The following CTSB variants were observed in gnomAD, a reference collection of about 807,000 sequenced individuals.
CTSB encodes APP secretase.
A neutral mutation model predicts 44.3 loss-of-function variants in CTSB; 57 were observed. The ratio of observed to expected loss-of-function variants is 1.29; its 90% CI spans 1.04 to 1.60. The LOEUF (loss-of-function observed/expected upper bound fraction) is 1.60. Ranked by LOEUF, CTSB falls within the 40% of genes most tolerant of loss-of-function variation. CTSB has a pLI of 0.00. For synonymous variants in CTSB, 320 were observed against 168.0 expected, an observed-to-expected ratio of 1.91 and a Z score of -7.00; for missense variants, 768 against 443.0, an observed-to-expected ratio of 1.73 and a Z score of -6.59.
intron 1 of CTSB, chr8:11,867,700 T>C (rs1225203768): frequency 6.6e-6 from 1 of 152,308 alleles, no homozygotes; most frequent in African/African-American, 2.4e-5. Context: ...CCTGGCCGCG[T>C]CCCCGCTCCG....
At chr8:11,848,409 T>C in intron 5 of CTSB, 1 of 611,822 alleles carries the variant, frequency 1.6e-6, no homozygotes, top group Non-Finnish European at 3.1e-6. Flanking sequence ...TTCATGTCCA[T>C]ACCAGACCAG....
chr8:11,845,151 T>G lies in CTSB; in HGVS notation c.994A>C (p.Thr332Pro), dbSNP rs752849874. The change falls in exon 10 of 10, where the codon ACC becomes CCC. Residue 332 changes from threonine to proline, a missense_variant. By Grantham distance (38) the Thr-to-Pro change is conservative (BLOSUM62 -1). Coordinates refer to ENST00000353047, the MANE Select transcript of CTSB (RefSeq NM_001908.5). ...ESEVVAGIPR[T>P]DQYWEKI ...TAGATCTTTTCCCAGTACTGATCGG[T>G]GCGTGGAATTCCAGCCACCACTTCT... 3 of 1,613,810 alleles carry G rather than the reference T, an allele frequency of 1.9e-6. No individual in the cohort carries two copies. The highest frequency in any genetic ancestry group is 1.7e-5 in the Admixed American group (1 of 60,002).
chr8:11,847,029 T>TGCCATCA lies in CTSB; in HGVS notation c.793+16_793+22dup, dbSNP rs750223349. ...TCCCCTCCCGACCCCCACCCTCTAT[T>TGCCATCA]GCCATCAGCCATCAGCACGCACCTG... On this transcript the variant is annotated intron_variant, in intron 8 of 9. Coordinates refer to ENST00000353047, the MANE Select transcript of CTSB (RefSeq NM_001908.5). 6.2e-6 allele frequency: 8 copies of TGCCATCA among 1,283,588 alleles called. No individual in the cohort carries two copies. The East Asian group carries it at 9.2e-5, about 15-fold the overall frequency. The allele number at this position is 1,283,588 out of a possible 1,614,324, so 79.5% of individuals were successfully genotyped here. A position where few individuals can be genotyped will look rare whatever the true frequency, so the allele number is the denominator to read the frequency against.
chr8:11,850,928 G>A lies in CTSB; in HGVS notation c.265C>T (p.Gln89Ter), dbSNP rs781423321. ...TTGATGGTGGGACACTGTGGCCATT[G>A]TTCCCGTGCATCGAAGCTTGCAGGC... ...KLPASFDARE[Q>*]WPQCPTIKEI... is the part of the protein sequence containing the mutation. The change falls in exon 4 of 10, where the codon CAA (glutamine) becomes TAA (stop). Residue 89 changes from glutamine to a stop codon, truncating the protein, a stop_gained. Coordinates refer to ENST00000353047, the MANE Select transcript of CTSB (RefSeq NM_001908.5). LOFTEE classifies it high-confidence loss of function. 5.0e-6 allele frequency: 8 copies of A among 1,613,452 alleles called. No homozygotes were observed. The highest frequency in any genetic ancestry group is 6.8e-6 in the Non-Finnish European group (8 of 1,179,680).
chr8:11,844,848 C>A lies in CTSB; in HGVS notation c.*277G>T. On this transcript the variant is annotated 3_prime_UTR_variant, in exon 10 of 10. Coordinates refer to ENST00000353047, the MANE Select transcript of CTSB (RefSeq NM_001908.5). ...GGAGATGGATGGATCACGGAGGGGG[C>A]CACAGTCAGCTGGGGCAGCAGGTAC... 1 of 412,388 alleles carries A rather than the reference C, an allele frequency of 2.4e-6. No homozygotes were observed. The highest frequency in any genetic ancestry group is 4.4e-6 in the Non-Finnish European group (1 of 226,590). The allele number at this position is 412,388 out of a possible 1,614,324, so 25.5% of individuals were successfully genotyped here.
intron 1 of CTSB, among the ~76,000 whole-genome samples, chr8:11,865,115 C>T (rs1816937905): frequency 6.6e-6 from 1 of 152,158 alleles, no homozygotes; most frequent in South Asian, 2.1e-4. Context: ...AGGCACAGCA[C>T]ATCTGTACAT....
At chr8:11,866,016 C>T (rs955740039) in intron 1 of CTSB, among the ~76,000 whole-genome samples, 32 of 81,414 alleles carry the variant, frequency 3.9e-4, no homozygotes, top group Admixed American at 1.4e-4. Flanking sequence ...GAGTGTGTCT[C>T]AAAAAAAAAA....
chr8:11,853,123 A>G (rs890132334), intron 2 of CTSB, among the ~76,000 whole-genome samples: 10 of 152,046 alleles, frequency 6.6e-5, no homozygotes, highest in African/African-American at 2.4e-4. Flanking sequence ...ATACACATGC[A>G]CACACACTCA....
At chr8:11,856,112 G>T (rs1007367216) in intron 1 of CTSB, among the ~76,000 whole-genome samples, 3 of 152,026 alleles carry the variant, frequency 2.0e-5, no homozygotes, top group African/African-American at 7.3e-5. Context: ...TATCAGATTG[G>T]CAAGGGCTGG....
At chr8:11,850,752 A>G (rs900022530) in intron 4 of CTSB, 114 bp downstream of exon 4, 1 of 640,576 alleles carries the variant, frequency 1.6e-6, no homozygotes, top group Non-Finnish European at 2.7e-6. Flanking sequence ...TGGGACTCAG[A>G]AAGTTTCTAT....
intron 1 of CTSB, among the ~76,000 whole-genome samples, chr8:11,857,175 TACCACGTTTG>T: frequency 2.0e-5 from 3 of 152,188 alleles, no homozygotes; most frequent in Non-Finnish European, 4.4e-5. Flanking sequence ...AGGCCTGTGC[TACCACGTTTG>T]GCTAATTTTT....
At chr8:11,848,296 A>C in intron 5 of CTSB, 144 bp from the exon 6 acceptor site, 1 of 733,040 alleles carries the variant, frequency 1.4e-6, no homozygotes, top group Non-Finnish European at 2.5e-6. Context: ...CCAGACCCCA[A>C]ACCCTCCAAG....
rs1312171156 is a variant in CTSB, at chr8:11,851,057, TG to T, written c.213-78del. 6 of 933,434 alleles carry T rather than the reference TG, an allele frequency of 6.4e-6. No individual in the cohort carries two copies. The African/African-American group carries it at 8.1e-5, about 13-fold the overall frequency. 57.8% of individuals were successfully genotyped at this position (933,434 alleles called of 1,614,324 possible). On this transcript the variant is annotated intron_variant, in intron 3 of 9. Transcript: ENST00000353047. ...CAATCCCTGCAAAGGCCACTTTGGC[TG>T]GGCCACACTCCCCTAACAAGGAAAT...
chr8:11,863,290 C>A (rs1170912198), intron 1 of CTSB, among the ~76,000 whole-genome samples: 1 of 152,158 alleles, frequency 6.6e-6, no homozygotes, highest in South Asian at 2.1e-4. Flanking sequence ...GACATCCCGT[C>A]TCTACTAAAA....
chr8:11,859,767 C>CAAA (rs36047077), intron 1 of CTSB, among the ~76,000 whole-genome samples: 1,436 of 38,848 alleles, frequency 0.037, 143 homozygotes, highest in African/African-American at 0.07. Flanking sequence ...GACTCTGTCT[C>CAAA]AAAAAAAAAA....
In CTSB at chr8:11,849,101, C is replaced by T. The variant is rs569307763; in HGVS notation, c.391G>A (p.Val131Met). The T allele has an allele frequency of 2.4e-5, 38 of 1,613,528 alleles. No homozygotes were observed. Among genetic ancestry groups the T allele is most frequent in the African/African-American group, 6.7e-5 (5 of 74,938 alleles). ...AGCAGGTCCTCCGCCGACACCTCCA[C>T]GCTGACGTGCGCATTGGTGTGGATG... ...ICIHTNAHVS[V>M]EVSAEDLLTC... is the part of the protein sequence containing the mutation. Residue 131 changes from valine to methionine, a missense_variant, in exon 5 of 10, where the codon GTG (valine) becomes ATG (methionine). Val to Met is a conservative substitution (Grantham distance 21). Transcript: ENST00000353047.
At chr8:11,864,392 G>A (rs1264285612) in intron 1 of CTSB, 3 of 151,862 alleles carry the variant, frequency 2.0e-5, no homozygotes, top group Non-Finnish European at 4.4e-5. Context: ...GGAGGCTGAG[G>A]TGGGAACCAG....
intron 1 of CTSB, chr8:11,865,534 G>C (rs1316660054): frequency 1.3e-5 from 2 of 151,030 alleles, no homozygotes; most frequent in African/African-American, 4.9e-5. Context: ...GTTGCAGTGA[G>C]CTGAGATCTT....
intron 1 of CTSB, among the ~76,000 whole-genome samples, chr8:11,866,939 G>T (rs564489855): frequency 8.5e-5 from 13 of 152,304 alleles, no homozygotes; most frequent in Non-Finnish European, 1.2e-4. Flanking sequence ...TCCGGCAGCA[G>T]GCAGTGGGAA....
Sources: gnomAD v4.1 joint callset for allele counts (sites outside exome capture counted in the v4.1 genomes callset) on GRCh38, gnomAD v4.1.1 for gene constraint, MANE v1.5 for transcripts, NCBI Gene and HGNC (gene_info 2026-07-23, HGNC 2026-07-21) for gene names.